Variants in PDCD6IP observed in about 807,000 individuals in gnomAD.
PDCD6IP encodes the protein programmed cell death 6 interacting protein.
In PDCD6IP, 43 loss-of-function variants were observed where a neutral mutation model predicts 103.7. The ratio of observed to expected loss-of-function variants is 0.41; its 90% confidence interval spans 0.32 to 0.53. The LOEUF is 0.53. PDCD6IP is among the 20% of genes least tolerant of loss of function. The pLI is 0.16. For synonymous variants in PDCD6IP, 354 were observed against 378.7 expected, an observed-to-expected ratio of 0.93 and a Z score of 0.76; for missense variants, 871 against 1,036.7, an observed-to-expected ratio of 0.84 and a Z score of 2.20.
At chr3:33,821,140 T>C (rs1233985804) in intron 3 of PDCD6IP, among the ~76,000 whole-genome samples, 4 of 151,876 alleles carry the variant, frequency 2.6e-5, no homozygotes, top group African/African-American at 9.7e-5. Context: ...GCTAGGACTA[T>C]AGACATGCAC....
At chr3:33,845,774 G>A (rs1470201986) in intron 12 of PDCD6IP, among the ~76,000 whole-genome samples, 186 bp downstream of exon 12, 1 of 152,146 alleles carries the variant, frequency 6.6e-6, no homozygotes, top group East Asian at 1.9e-4. Flanking sequence ...TAACTGTCCT[G>A]TAATAGTAAC....
intron 1 of PDCD6IP, among the ~76,000 whole-genome samples, chr3:33,804,845 T>C (rs1227464110): frequency 6.6e-6 from 1 of 152,232 alleles, no homozygotes; most frequent in Non-Finnish European, 1.5e-5. Flanking sequence ...AAGAAAGAAG[T>C]GTGAAAATAA....
At chr3:33,854,041 A>G in intron 14 of PDCD6IP, 28 bp downstream of exon 14, 1 of 1,553,044 alleles carries the variant, frequency 6.4e-7, no homozygotes, top group Non-Finnish European at 8.6e-7. Flanking sequence ...AAGGAACCAT[A>G]GCTAGCAAGT....
rs1052371762 is a variant in PDCD6IP at position 33,844,197 on chromosome 3, A to G, written c.1445A>G (p.Asn482Ser). ...FKERWQRTPSNELYKPLRAEG... is the reference protein window; with the variant it reads ...FKERWQRTPSSELYKPLRAEG... The stretch of plus-strand genomic sequence containing the variant: ...GAACGTTGGCAAAGGACACCATCCA[A>G]TGAACTGTATAAGCCTTTAAGAGCA... Residue 482 changes from asparagine (N) to serine (S), a missense_variant, in exon 11 of 18, where the codon AAT (asparagine) becomes AGT (serine). By Grantham distance (46) the Asn-to-Ser change is conservative (BLOSUM62 1). Coordinates refer to ENST00000307296, the MANE Select transcript of PDCD6IP (RefSeq NM_013374.6). 3.1e-6 allele frequency: 5 copies of G among 1,600,924 alleles called. No individual in the cohort carries two copies. Among genetic ancestry groups the G allele is most frequent in the African/African-American group, 2.7e-5 (2 of 74,098 alleles).
intron 1 of PDCD6IP, among the ~76,000 whole-genome samples, chr3:33,807,579 A>C (rs1575898854): frequency 6.6e-6 from 1 of 151,888 alleles, no homozygotes; most frequent in South Asian, 2.1e-4. Context: ...CCCACAGTAG[A>C]CTCTCCCTGA....
At chr3:33,865,544 GCT>G (rs1698045725) in intron 17 of PDCD6IP, 114 bp downstream of exon 17, 1 of 739,660 alleles carries the variant, frequency 1.4e-6, no homozygotes, top group Non-Finnish European at 2.1e-6. Flanking sequence ...GAATGAATAA[GCT>G]ACACTGTCAG....
intron 7 of PDCD6IP, among the ~76,000 whole-genome samples, chr3:33,834,984 A>G (rs562150031): frequency 1.6e-4 from 24 of 152,252 alleles, no homozygotes; most frequent in Non-Finnish European, 2.4e-4. Flanking sequence ...AAATGTGTCA[A>G]TTTCTCATTA....
At chr3:33,829,637 A>C (rs1697204408) in intron 7 of PDCD6IP, among the ~76,000 whole-genome samples, 1 of 152,136 alleles carries the variant, frequency 6.6e-6, no homozygotes, top group South Asian at 2.1e-4. Flanking sequence ...AGCTGTTTGT[A>C]TGAGTTGTTT....
Position 33,848,279 on chromosome 3 carries a change from G to A in PDCD6IP, c.1641+2691G>A, listed in dbSNP as rs146305395. Among the ~76,000 whole-genome samples the A allele has an allele frequency of 1.2e-3, 190 of 152,302 alleles. 1 individual carries two copies. The highest frequency in any genetic ancestry group is 4.5e-3 in the African/African-American group (187 of 41,570). ...AAAAAACTCCTCTAGGTTACCTTTA[G>A]TGTAGGGTAAATGTATCAAGTTTCT... is the stretch of plus-strand genomic sequence containing the variant. On this transcript the variant is annotated intron_variant, in intron 12 of 17. Coordinates refer to ENST00000307296, the MANE Select transcript of PDCD6IP (RefSeq NM_013374.6).
chr3:33,824,876 C>G (rs767638992), intron 4 of PDCD6IP, among the ~76,000 whole-genome samples: 2 of 152,084 alleles, frequency 1.3e-5, no homozygotes, highest in African/African-American at 4.8e-5. Context: ...TGTTTATCCC[C>G]GCCTCTATTC....
intron 7 of PDCD6IP, chr3:33,835,285 G>A: frequency 2.2e-6 from 1 of 456,720 alleles, no homozygotes. Flanking sequence ...TAGGCCGTTT[G>A]AGGTTCCTGC....
intron 1 of PDCD6IP, among the ~76,000 whole-genome samples, chr3:33,803,332 C>G (rs1296986857): frequency 3.3e-5 from 5 of 152,074 alleles, no homozygotes; most frequent in Non-Finnish European, 7.4e-5. Context: ...TAATTTATTG[C>G]TTTTTGCTAA....
rs561780369 is a variant in PDCD6IP at position 33,852,984 on chromosome 3, C to A, written c.1890+248C>A. The stretch of plus-strand genomic sequence containing the variant: ...TGTCGCCCAGGCTGGAGTGCAGTGG[C>A]GCGATCTTGGCTCACTGCAAGCTCC... On this transcript the variant is annotated intron_variant, in intron 13 of 17. Transcript: ENST00000307296. Among the ~76,000 whole-genome samples the A allele has an allele frequency of 2.5e-3, 359 of 145,648 alleles. 1 individual carries two copies. The highest frequency in any genetic ancestry group is 8.4e-3 in the African/African-American group (331 of 39,226).
intron 9 of PDCD6IP, among the ~76,000 whole-genome samples, chr3:33,839,530 CTCTT>C (rs1156392302): frequency 1.3e-5 from 2 of 152,088 alleles, no homozygotes. Context: ...AGTTTGTTAA[CTCTT>C]TCACCTGTTA....
At chr3:33,860,093 A>G (rs987561148) in intron 15 of PDCD6IP, among the ~76,000 whole-genome samples, 1 of 152,224 alleles carries the variant, frequency 6.6e-6, no homozygotes, top group African/African-American at 2.4e-5. Flanking sequence ...GGAAGAAAAT[A>G]ACAAATATAG....
rs370546580 is a variant in PDCD6IP, at chr3:33,807,083, C to T, written c.210-4989C>T. ...ATCATTCAGTTACAGGATATAAATG[C>T]CCTGTTCCCCCCATACAGCTCAGGT... On this transcript the variant is annotated intron_variant, in intron 1 of 17. Transcript: ENST00000307296. Among the ~76,000 whole-genome samples, 36 of 152,304 alleles carry T rather than the reference C, an allele frequency of 2.4e-4. 1 individual carries two copies. In the Middle Eastern group the frequency reaches 0.014, roughly 58 times the overall value.
intron 14 of PDCD6IP, chr3:33,854,845 C>A (rs1449738365): frequency 1.2e-5 from 2 of 161,450 alleles, no homozygotes; most frequent in Non-Finnish European, 2.7e-5. Flanking sequence ...CTAATCCTTC[C>A]ACTTAAATAG....
rs1382029025 is a variant in PDCD6IP at position 33,867,363 on chromosome 3, C to G, written c.*838C>G. Reference sequence around the variant, plus strand: ...ATGCAAATTCTGGTAATAATTCTTGCATTTTTTCCCCATAACCTGGTTAAA... The same window carrying G: ...ATGCAAATTCTGGTAATAATTCTTGGATTTTTTCCCCATAACCTGGTTAAA... On this transcript the variant is annotated 3_prime_UTR_variant, in exon 18 of 18. Transcript: ENST00000307296. 2 of 152,156 alleles carry G rather than the reference C, an allele frequency of 1.3e-5. No individual in the cohort carries two copies. Among genetic ancestry groups the G allele is most frequent in the African/African-American group, 4.8e-5 (2 of 41,454 alleles). The allele number at this position is 152,156 out of a possible 1,614,324, so 9.4% of individuals were successfully genotyped here.
intron 1 of PDCD6IP, among the ~76,000 whole-genome samples, chr3:33,809,043 T>G (rs1381436802): frequency 6.6e-6 from 1 of 152,210 alleles, no homozygotes; most frequent in Non-Finnish European, 1.5e-5. Flanking sequence ...TCATGCTGTT[T>G]TAGAGTTAAA....
Sources: gnomAD v4.1 joint callset for allele counts (sites outside exome capture counted in the v4.1 genomes callset) on GRCh38, gnomAD v4.1.1 for gene constraint, MANE v1.5 for transcripts, NCBI Gene and HGNC (gene_info 2026-07-23, HGNC 2026-07-21) for gene names.